Variants in HPS5 observed in about 807,000 individuals in gnomAD.
HPS5 encodes BLOC-2 complex member HPS5.
Under a neutral mutation model 128.0 loss-of-function variants are expected in HPS5, and 83 were observed. The ratio of observed to expected loss-of-function variants is 0.65; its 90% CI spans 0.54 to 0.78. The LOEUF (loss-of-function observed/expected upper bound fraction) is 0.78, where lower values mean the gene tolerates loss of function less well. Among genes scored for constraint, HPS5 ranks in the 30% least tolerant of loss-of-function variants. HPS5 has a pLI of 0.00. For missense variants in HPS5, 1,281 were observed against 1,326.2 expected (o/e 0.97, Z 0.53); for synonymous variants, 475 against 470.2 (o/e 1.01, Z -0.13).
At position 18,284,069 on chromosome 11, in the gene HPS5, G is replaced by C. The variant is rs571887814; in HGVS notation, c.2952-168C>G. On this transcript the variant is annotated intron_variant, in intron 20 of 22. Coordinates refer to ENST00000349215, the MANE Select transcript of HPS5 (RefSeq NM_181507.2). ...TTCAGTTAATATATTCACATTTCAAGTAGTCAATGGCTACATGTGGCTAGT... is the reference window on the plus strand; with the variant it reads ...TTCAGTTAATATATTCACATTTCAACTAGTCAATGGCTACATGTGGCTAGT... Among the ~76,000 whole-genome samples, 15 of 151,906 alleles carry C rather than the reference G, an allele frequency of 9.9e-5. No homozygotes were observed. The South Asian group carries it at 3.1e-3, about 32-fold the overall frequency.
chr11:18,297,740 G>C, intron 10 of HPS5, 23 bp from the exon 11 acceptor site: 1 of 1,607,370 alleles, frequency 6.2e-7, no homozygotes, highest in Admixed American at 1.7e-5. Context: ...CAGCGCAATG[G>C]AATAGCTATT....
intron 2 of HPS5, among the ~76,000 whole-genome samples, chr11:18,314,710 A>T (rs959225370): frequency 6.6e-6 from 1 of 151,622 alleles, no homozygotes; most frequent in African/African-American, 2.4e-5. Flanking sequence ...GGGTTTTTTT[A>T]TTCCTTTTGA....
chr11:18,293,365 G>A (rs1277596705), intron 14 of HPS5, among the ~76,000 whole-genome samples: 2 of 151,986 alleles, frequency 1.3e-5, no homozygotes, highest in Non-Finnish European at 2.9e-5. Context: ...GTAGAGATGG[G>A]GTTTCATCAT....
chr11:18,307,488 T>C (rs1564969640), intron 6 of HPS5, among the ~76,000 whole-genome samples: 1 of 152,170 alleles, frequency 6.6e-6, no homozygotes, highest in African/African-American at 2.4e-5. Flanking sequence ...TTTTCTATGG[T>C]ACCTAATACA....
At chr11:18,310,577 C>A (rs764969192) in intron 5 of HPS5, among the ~76,000 whole-genome samples, 164 bp downstream of exon 5, 4 of 152,158 alleles carry the variant, frequency 2.6e-5, no homozygotes, top group Admixed American at 6.5e-5. Flanking sequence ...AACAGGCCAC[C>A]GTGTGTACTA....
chr11:18,312,211 T>C (rs922492399), intron 2 of HPS5, among the ~76,000 whole-genome samples, 187 bp from the exon 3 acceptor site: 1 of 152,220 alleles, frequency 6.6e-6, no homozygotes, highest in African/African-American at 2.4e-5. Context: ...AGAAAGAACA[T>C]TTTGTTTTTA....
intron 2 of HPS5, among the ~76,000 whole-genome samples, chr11:18,315,221 C>G (rs1375427283): frequency 6.6e-6 from 1 of 152,194 alleles, no homozygotes; most frequent in Non-Finnish European, 1.5e-5. Context: ...GAAGCTGCCT[C>G]AAAACCAAAG....
At chr11:18,294,892 A>T in intron 14 of HPS5, 128 bp downstream of exon 14, 1 of 916,694 alleles carries the variant, frequency 1.1e-6, no homozygotes, top group Non-Finnish European at 1.7e-6. Context: ...GTGTTGGGCC[A>T]CGTTCAAAGC....
At chr11:18,296,753 A>G (rs1861116942) in intron 12 of HPS5, 45 bp downstream of exon 12, 1 of 1,560,978 alleles carries the variant, frequency 6.4e-7, no homozygotes. Context: ...GCTCGTGGAA[A>G]ATAATGGCTT....
chr11:18,280,339 C>T (rs1400889122), intron 22 of HPS5, among the ~76,000 whole-genome samples: 1 of 152,176 alleles, frequency 6.6e-6, no homozygotes, highest in Non-Finnish European at 1.5e-5. Flanking sequence ...TAGTACCTGA[C>T]ACCCACTGGG....
At position 18,311,921 on chromosome 11, in the gene HPS5, G is replaced by A. The variant is rs1863070436; in HGVS notation, c.212C>T (p.Ser71Leu). 2 of 1,609,944 alleles carry A rather than the reference G, an allele frequency of 1.2e-6. No individual in the cohort carries two copies. Among genetic ancestry groups the A allele is most frequent in the Non-Finnish European group, 8.5e-7 (1 of 1,176,204 alleles). The change falls in exon 3 of 23, where the codon TCA becomes TTA. Residue 71 changes from serine to leucine, a missense_variant. Coordinates refer to ENST00000349215, the MANE Select transcript of HPS5 (RefSeq NM_181507.2). ...AGCTGCCCTTAATCTTACCCTGTGT[G>A]AAAGAAAAAGCCTGTGCTTCCAGCC... ...KEGWKHRLFL[S>L]HREGAISQVA...
At chr11:18,301,047 G>A (rs986089122) in intron 8 of HPS5, 131 bp from the exon 9 acceptor site, 5 of 689,334 alleles carry the variant, frequency 7.3e-6, no homozygotes, top group African/African-American at 1.8e-5. Context: ...GAGTGATCCA[G>A]CTAATCGAGT....
In HPS5 at chr11:18,308,938, C is replaced by A; in HGVS notation, c.611+8G>T. The A allele has an allele frequency of 1.2e-6, 2 of 1,613,854 alleles. No homozygotes were observed. The highest frequency in any genetic ancestry group is 2.2e-5 in the South Asian group (2 of 91,008). Reference sequence around the variant, plus strand: ...GCATTTCTGATGACTAATGGTTGGTCAATATACCTCTCAGTGTCACACAAG... The same window carrying A: ...GCATTTCTGATGACTAATGGTTGGTAAATATACCTCTCAGTGTCACACAAG... On this transcript the variant is annotated splice_region_variant and intron_variant, in intron 6 of 22. Coordinates refer to ENST00000349215, the MANE Select transcript of HPS5 (RefSeq NM_181507.2).
Position 18,297,673 on chromosome 11 carries a change from A to G in HPS5, c.1209T>C (p.Ser403=). The G allele has an allele frequency of 6.2e-7, 1 of 1,614,152 alleles. No individual in the cohort carries two copies. The highest frequency in any genetic ancestry group is 2.2e-5 in the East Asian group (1 of 44,886). Residue 403 remains serine, a synonymous_variant, in exon 11 of 23, where the codon TCT becomes TCC. Coordinates refer to ENST00000349215, the MANE Select transcript of HPS5 (RefSeq NM_181507.2). The stretch of plus-strand genomic sequence containing the variant: ...CATTGTAGGTGCCATGGTCCAGCTG[A>G]GATTTCAAATGCTCCAATTTATCTG... ...LTADKLEHLK[S]QLDHGTYNDL...
chr11:18,281,467 T>C (rs1479673772), intron 22 of HPS5, among the ~76,000 whole-genome samples: 1 of 151,832 alleles, frequency 6.6e-6, no homozygotes. Flanking sequence ...TGTCATGTTC[T>C]TGGCTCACTG....
At chr11:18,300,522 C>T (rs1861570763) in intron 9 of HPS5, among the ~76,000 whole-genome samples, 1 of 151,940 alleles carries the variant, frequency 6.6e-6, no homozygotes, top group Non-Finnish European at 1.5e-5. Flanking sequence ...CATGGCGAAA[C>T]TCCATCTCTA....
intron 14 of HPS5, among the ~76,000 whole-genome samples, chr11:18,293,954 C>T (rs1860749908): frequency 6.6e-6 from 1 of 152,210 alleles, no homozygotes; most frequent in African/African-American, 2.4e-5. Flanking sequence ...TATGGATTCA[C>T]TAAGTTATTC....
In HPS5 at chr11:18,299,037, T is replaced by C. The variant is rs1168873022; in HGVS notation, c.986-67A>G. On this transcript the variant is annotated intron_variant, in intron 9 of 22. Coordinates refer to ENST00000349215, the MANE Select transcript of HPS5 (RefSeq NM_181507.2). ...ATACCCCTTACAATTTTAAAAGGGA[T>C]GCAATTATTCTAATAAATTCATTTC... 18 of 1,434,888 alleles carry C rather than the reference T, an allele frequency of 1.3e-5. No homozygotes were observed. In the East Asian group the frequency reaches 3.9e-4, roughly 31 times the overall value. The allele number at this position is 1,434,888 out of a possible 1,614,324, so 88.9% of individuals were successfully genotyped here.
At chr11:18,297,939 G>A (rs1246986680) in intron 10 of HPS5, among the ~76,000 whole-genome samples, 1 of 150,740 alleles carries the variant, frequency 6.6e-6, no homozygotes, top group Non-Finnish European at 1.5e-5. Flanking sequence ...AATTAGCTGG[G>A]CATGGGGGCA....
Sources: gnomAD v4.1 joint callset for allele counts (sites outside exome capture counted in the v4.1 genomes callset) on GRCh38, gnomAD v4.1.1 for gene constraint, MANE v1.5 for transcripts, NCBI Gene and HGNC (gene_info 2026-07-23, HGNC 2026-07-21) for gene names.